Variants in RTL4 observed in about 807,000 individuals in gnomAD.
RTL4 encodes the protein retrotransposon Gag-like protein 4.
A neutral mutation model predicts 5.3 loss-of-function variants in RTL4; 4 were observed. That is an observed-to-expected ratio of 0.75 (90% confidence interval 0.37 to 1.72). RTL4 has a LOEUF of 1.72. Ranked by LOEUF, RTL4 falls within the 40% of genes most tolerant of loss-of-function variation. RTL4 has a pLI of 0.04. For synonymous variants in RTL4, 98 were observed against 87.3 expected (o/e 1.12, Z -0.68); for missense variants, 260 against 227.1 (o/e 1.14, Z -0.93).
At chrX:112,410,416 T>C in the RTL4 span, among the ~76,000 whole-genome samples, 1 of 112,064 alleles carries the variant, frequency 8.9e-6, no homozygotes, top group Non-Finnish European at 1.9e-5. Flanking sequence ...TTTCATCCAT[T>C]GGCTGCAGAA....
At chrX:112,443,491 A>C in the RTL4 span, among the ~76,000 whole-genome samples, 1 of 111,500 alleles carries the variant, frequency 9.0e-6, no homozygotes, top group East Asian at 2.8e-4. Context: ...CTCAATTTTT[A>C]GTTTCTTGAA....
chrX:112,371,426 A>C, the RTL4 span, among the ~76,000 whole-genome samples: 82 of 111,144 alleles, frequency 7.4e-4, no homozygotes, highest in Admixed American at 2.6e-3. Context: ...AAAACAAATA[A>C]ACTTTGGTAA....
At chrX:112,138,678 C>T in the RTL4 span, among the ~76,000 whole-genome samples, 2 of 110,873 alleles carry the variant, frequency 1.8e-5, no homozygotes, top group African/African-American at 6.5e-5. Flanking sequence ...TTTGTATTTG[C>T]AAATAAATTT....
At chrX:112,338,163 T>A in the RTL4 span, among the ~76,000 whole-genome samples, 1 of 111,760 alleles carries the variant, frequency 8.9e-6, no homozygotes, top group Non-Finnish European at 1.9e-5. Context: ...AGGGAAGAGA[T>A]GAAATCCTAT....
the RTL4 span, among the ~76,000 whole-genome samples, chrX:112,144,518 A>T: frequency 0.078 from 8,618 of 111,064 alleles, 457 homozygotes; most frequent in African/African-American, 0.18. Context: ...GAGTTCTCAA[A>T]GGAAAAAACG....
chrX:112,110,807 C>T, the RTL4 span, among the ~76,000 whole-genome samples: 10 of 112,037 alleles, frequency 8.9e-5, no homozygotes, highest in African/African-American at 2.6e-4. Context: ...TTATTGAATA[C>T]CCATTGTGTC....
chrX:112,203,685 TAG>T, the RTL4 span, among the ~76,000 whole-genome samples: 1 of 111,737 alleles, frequency 8.9e-6, no homozygotes, highest in African/African-American at 3.3e-5. Flanking sequence ...TCATATCAGG[TAG>T]AGTGATTCCT....
chrX:112,249,244 T>C, the RTL4 span, among the ~76,000 whole-genome samples: 1 of 112,132 alleles, frequency 8.9e-6, no homozygotes, highest in East Asian at 2.8e-4. Context: ...AAACCTTGGA[T>C]TATACTGATG....
At chrX:112,090,969 T>C in the RTL4 span, among the ~76,000 whole-genome samples, 5 of 111,413 alleles carry the variant, frequency 4.5e-5, no homozygotes, top group Non-Finnish European at 9.5e-5. Flanking sequence ...TTTCTTCTTG[T>C]GTCAATTTTA....
chrX:112,202,619 G>A, the RTL4 span, among the ~76,000 whole-genome samples: 1,687 of 107,300 alleles, frequency 0.016, 38 homozygotes, highest in African/African-American at 0.054. Flanking sequence ...GGAGTGAAGT[G>A]GCGCGATCTC....
At chrX:112,157,665 T>C in the RTL4 span, among the ~76,000 whole-genome samples, 1 of 112,122 alleles carries the variant, frequency 8.9e-6, no homozygotes, top group African/African-American at 3.2e-5. Flanking sequence ...AACAGACATC[T>C]GGCAACATTT....
the RTL4 span, among the ~76,000 whole-genome samples, chrX:112,230,233 C>A: frequency 8.9e-6 from 1 of 112,442 alleles, no homozygotes; most frequent in Non-Finnish European, 1.9e-5. Flanking sequence ...CAATGGTGGG[C>A]GCCCCTTCCG....
the RTL4 span, among the ~76,000 whole-genome samples, chrX:112,148,035 T>C: frequency 9.0e-5 from 10 of 111,461 alleles, no homozygotes; most frequent in African/African-American, 2.6e-4. Flanking sequence ...CACCTTTCTG[T>C]CACATTCACC....
chrX:112,254,234 A>T, the RTL4 span, among the ~76,000 whole-genome samples: 1 of 111,689 alleles, frequency 9.0e-6, no homozygotes, highest in African/African-American at 3.3e-5. Flanking sequence ...TGTTTAGATG[A>T]TGTAAAAGAT....
chrX:112,169,026 C>CTCTTTCTTTCTTTCTTTCTTTCTT, the RTL4 span, among the ~76,000 whole-genome samples: 5 of 49,060 alleles, frequency 1.0e-4, no homozygotes, highest in Admixed American at 3.0e-4. Flanking sequence ...CTTTCTCTTT[C>CTCTTTCTTTCTTTCTTTCTTTCTT]TCTTTCTTTC....
the RTL4 span, among the ~76,000 whole-genome samples, chrX:112,170,851 T>G: frequency 3.6e-5 from 4 of 111,655 alleles, no homozygotes; most frequent in Non-Finnish European, 5.6e-5. Context: ...GCTTCCAGCT[T>G]TTGCCCATTC....
At chrX:112,288,999 T>C in the RTL4 span, among the ~76,000 whole-genome samples, 2 of 111,791 alleles carry the variant, frequency 1.8e-5, no homozygotes, top group Non-Finnish European at 3.8e-5. Context: ...ACCTGCAACA[T>C]AGTATGTGCT....
the RTL4 span, among the ~76,000 whole-genome samples, chrX:112,276,532 A>G: frequency 8.9e-6 from 1 of 111,978 alleles, no homozygotes; most frequent in Non-Finnish European, 1.9e-5. Flanking sequence ...ACTTACACAA[A>G]TTAATTTGAC....
At chrX:112,230,406 G>A in the RTL4 span, among the ~76,000 whole-genome samples, 23 of 112,055 alleles carry the variant, frequency 2.1e-4, 1 homozygote, top group Admixed American at 2.0e-3. Flanking sequence ...GGAGTGACCC[G>A]ATTTTCCAGG....
Sources: gnomAD v4.1 joint callset for allele counts (sites outside exome capture counted in the v4.1 genomes callset) on GRCh38, gnomAD v4.1.1 for gene constraint, MANE v1.5 for transcripts, NCBI Gene and HGNC (gene_info 2026-07-23, HGNC 2026-07-21) for gene names.